NELL1: variants seen among roughly 807,000 people sequenced by gnomAD.
NELL1 encodes the protein neural EGFL like 1, also known as protein kinase C-binding protein NELL1.
In NELL1, 76 loss-of-function variants were observed where a neutral mutation model predicts 107.4. That is an observed-to-expected ratio of 0.71 (90% confidence interval 0.59 to 0.86). The LOEUF (loss-of-function observed/expected upper bound fraction) is 0.86. Among genes scored for constraint, NELL1 ranks in the 40% least tolerant of loss-of-function variants. NELL1 has a pLI of 0.00. For missense variants in NELL1, 1,024 were observed against 1,005.5 expected (o/e 1.02, Z -0.25); for synonymous variants, 353 against 341.2 (o/e 1.03, Z -0.38).
At chr11:20,909,311 A>C (rs1419275355) in intron 5 of NELL1, among the ~76,000 whole-genome samples, 1 of 152,200 alleles carries the variant, frequency 6.6e-6, no homozygotes, top group Non-Finnish European at 1.5e-5. Context: ...TAAAATGTTT[A>C]TAATGGAAAA....
At chr11:21,023,506 T>C (rs1325690868) in intron 12 of NELL1, among the ~76,000 whole-genome samples, 5 of 152,110 alleles carry the variant, frequency 3.3e-5, no homozygotes, top group African/African-American at 7.2e-5. Flanking sequence ...TGTTTACTTA[T>C]ATTTTCTAAA....
At chr11:21,021,230 G>A (rs912660081) in intron 12 of NELL1, among the ~76,000 whole-genome samples, 21 of 151,262 alleles carry the variant, frequency 1.4e-4, no homozygotes, top group African/African-American at 4.6e-4. Flanking sequence ...GAGCCAAGCT[G>A]CATACTCTGA....
intron 15 of NELL1, among the ~76,000 whole-genome samples, chr11:21,525,308 C>CTAT (rs1855823016): frequency 6.6e-6 from 1 of 152,118 alleles, no homozygotes; most frequent in African/African-American, 2.4e-5. Flanking sequence ...AAACTAGTTA[C>CTAT]TAATAAGGAC....
intron 14 of NELL1, among the ~76,000 whole-genome samples, chr11:21,287,464 G>C (rs183943995): frequency 6.6e-6 from 1 of 152,264 alleles, no homozygotes; most frequent in Admixed American, 6.5e-5. Flanking sequence ...AAGAAAGGCA[G>C]TGGAGCATAG....
chr11:20,733,256 G>A (rs1337436501), intron 2 of NELL1, among the ~76,000 whole-genome samples: 1 of 152,108 alleles, frequency 6.6e-6, no homozygotes, highest in East Asian at 1.9e-4. Context: ...CTAACATTCA[G>A]CTACAATTTA....
rs140535909 is a variant in NELL1, at chr11:21,570,957, T to C, written c.2157+17T>C. Reference sequence around the variant, plus strand: ...CGGTGTCTGGTATGTTGGCTTCCTTTATAAGGTGTTGAGCCTTTACTCTGA... The same window carrying C: ...CGGTGTCTGGTATGTTGGCTTCCTTCATAAGGTGTTGAGCCTTTACTCTGA... On this transcript the variant is annotated intron_variant, in intron 18 of 19. Transcript: ENST00000357134. 5,599 of 1,607,796 alleles carry C rather than the reference T, an allele frequency of 3.5e-3. 9 individuals carry two copies. Among genetic ancestry groups the C allele is most frequent in the Non-Finnish European group, 4.2e-3 (4,983 of 1,176,078 alleles).
At position 21,407,798 on chromosome 11, in the gene NELL1, C is replaced by G. The variant is rs990941505; in HGVS notation, c.1645+36850C>G. Among the ~76,000 whole-genome samples the G allele has an allele frequency of 2.6e-5, 4 of 151,154 alleles. No individual in the cohort carries two copies. In the East Asian group the frequency reaches 7.9e-4, roughly 30 times the overall value. On this transcript the variant is annotated intron_variant, in intron 15 of 19. Coordinates refer to ENST00000357134, the MANE Select transcript of NELL1 (RefSeq NM_006157.5). ...TTCTTCGAATAGTCCTCAAACATTG[C>G]TGCTTCTATGGTTTTGTTTCTACAG...
At chr11:21,305,568 A>G (rs1225030066) in intron 14 of NELL1, among the ~76,000 whole-genome samples, 1 of 151,998 alleles carries the variant, frequency 6.6e-6, no homozygotes, top group African/African-American at 2.4e-5. Context: ...CAAAAGACTG[A>G]TGCTACAAGG....
chr11:21,091,601 C>T (rs1000475365), intron 12 of NELL1, among the ~76,000 whole-genome samples: 9 of 152,248 alleles, frequency 5.9e-5, no homozygotes, highest in East Asian at 3.9e-4. Context: ...ATTCACCATA[C>T]GTCTTATCCA....
intron 5 of NELL1, among the ~76,000 whole-genome samples, chr11:20,906,985 A>T (rs1850013328): frequency 6.6e-6 from 1 of 152,118 alleles, no homozygotes; most frequent in Non-Finnish European, 1.5e-5. Context: ...ATTTCTAGCC[A>T]GTGCAAATGG....
At chr11:21,415,775 A>G (rs1852505079) in intron 15 of NELL1, among the ~76,000 whole-genome samples, 1 of 152,034 alleles carries the variant, frequency 6.6e-6, no homozygotes, top group Non-Finnish European at 1.5e-5. Context: ...GGGGTTTTCC[A>G]TTCTCTGGCA....
intron 14 of NELL1, among the ~76,000 whole-genome samples, chr11:21,285,783 TG>T (rs2133953146): frequency 6.6e-6 from 1 of 152,352 alleles, no homozygotes; most frequent in African/African-American, 2.4e-5. Context: ...AAAGAATGTG[TG>T]TATAAAACAA....
chr11:21,316,301 C>T (rs561813584), intron 14 of NELL1, among the ~76,000 whole-genome samples: 6 of 152,160 alleles, frequency 3.9e-5, no homozygotes, highest in East Asian at 1.9e-4. Context: ...TTTTAAAACA[C>T]GAGATGATAG....
intron 2 of NELL1, among the ~76,000 whole-genome samples, chr11:20,780,134 T>TA (rs1179234638): frequency 8.5e-5 from 13 of 152,212 alleles, no homozygotes; most frequent in Admixed American, 2.0e-4. Context: ...GGGGTCTCTT[T>TA]ACTTCAGTGT....
chr11:21,500,624 G>A lies in NELL1; in HGVS notation c.1646-33750G>A, dbSNP rs530897025. Among the ~76,000 whole-genome samples, 6 of 152,114 alleles carry A rather than the reference G, an allele frequency of 3.9e-5. No homozygotes were observed. In the South Asian group the frequency reaches 6.2e-4, roughly 16 times the overall value. On this transcript the variant is annotated intron_variant, in intron 15 of 19. Coordinates refer to ENST00000357134, the MANE Select transcript of NELL1 (RefSeq NM_006157.5). ...ATTTTCAGCACCCAGAGCTTTATAC[G>A]TGACATGGCTTTTTATCCAGGTTGT...
chr11:21,161,400 A>G (rs1856365892), intron 13 of NELL1, among the ~76,000 whole-genome samples: 1 of 152,042 alleles, frequency 6.6e-6, no homozygotes, highest in Non-Finnish European at 1.5e-5. Flanking sequence ...AGCTGGGTGT[A>G]GTGGCGCACG....
intron 3 of NELL1, among the ~76,000 whole-genome samples, chr11:20,823,056 G>A (rs564763781): frequency 1.4e-5 from 2 of 140,778 alleles, no homozygotes; most frequent in East Asian, 3.9e-4. Flanking sequence ...GTAAACAGCA[G>A]AAAATACAAG....
At chr11:21,232,350 A>T (rs1387138671) in intron 14 of NELL1, among the ~76,000 whole-genome samples, 1 of 148,692 alleles carries the variant, frequency 6.7e-6, no homozygotes, top group East Asian at 2.0e-4. Flanking sequence ...AAAAAAATTG[A>T]TTAGTATTAC....
At chr11:21,253,903 G>A (rs1426173336) in intron 14 of NELL1, among the ~76,000 whole-genome samples, 5 of 152,122 alleles carry the variant, frequency 3.3e-5, no homozygotes, top group African/African-American at 1.2e-4. Flanking sequence ...ATGGAGAAAG[G>A]AGGAACCTCA....
Sources: gnomAD v4.1 joint callset for allele counts (sites outside exome capture counted in the v4.1 genomes callset) on GRCh38, gnomAD v4.1.1 for gene constraint, MANE v1.5 for transcripts, NCBI Gene and HGNC (gene_info 2026-07-23, HGNC 2026-07-21) for gene names.